Variants in GMPPA observed in about 807,000 individuals in gnomAD.
GMPPA encodes the protein GDP-mannose pyrophosphorylase A, also known as mannose-1-phosphate guanylyltransferase regulatory subunit alpha.
Under a neutral mutation model 58.6 loss-of-function variants are expected in GMPPA, and 46 were observed. That is an observed-to-expected ratio of 0.78 (90% CI 0.62 to 1.00). The LOEUF (loss-of-function observed/expected upper bound fraction) is 1.00, where lower values mean the gene tolerates loss of function less well. GMPPA is among the 50% of genes least tolerant of loss of function. The probability of loss-of-function intolerance (pLI) is 0.00; values close to 1 mark genes in which losing one functional copy is unlikely to be tolerated. For missense variants in GMPPA, 468 were observed against 556.4 expected, an observed-to-expected ratio of 0.84 and a Z score of 1.60; for synonymous variants, 211 against 214.9, an observed-to-expected ratio of 0.98 and a Z score of 0.16.
In GMPPA at chr2:219,506,770, G is replaced by A. The variant is rs779645480; in HGVS notation, c.1235G>A (p.Arg412Gln). The change falls in exon 13 of 13, where the codon CGA becomes CAA. Residue 412 changes from arginine (R) to glutamine (Q), a missense_variant. Transcript: ENST00000313597. ...GTTCTGCCACACAAGGAGCTGAGCC[G>A]AAGCTTCACCAACCAGATCATCCTC... ...SIVLPHKELS[R>Q]SFTNQIIL 4.4e-6 allele frequency: 7 copies of A among 1,586,020 alleles called. No homozygotes were observed. Among genetic ancestry groups the A allele is most frequent in the East Asian group, 2.2e-5 (1 of 44,680 alleles).
At position 219,502,405 on chromosome 2, in the gene GMPPA, C is replaced by T. The variant is rs1454936838; in HGVS notation, c.453C>T (p.Asn151=). The T allele has an allele frequency of 6.2e-6, 10 of 1,614,036 alleles. No homozygotes were observed. Among genetic ancestry groups the T allele is most frequent in the Non-Finnish European group, 8.5e-6 (10 of 1,179,940 alleles). The part of the protein sequence containing the change: ...GTTANRTQSL[N]YGCIVENPQT... The stretch of plus-strand genomic sequence containing the variant: ...AGGCTAACAGGACGCAATCCCTCAA[C>T]TACGGCTGCATCGTTGAGAATCCAC... The change falls in exon 6 of 13, where the codon AAC becomes AAT. Residue 151 remains asparagine, a synonymous_variant. Coordinates refer to ENST00000313597, the MANE Select transcript of GMPPA (RefSeq NM_013335.4). This position sits in a 1 kb window ranked among gnomAD's most constrained non-coding sequence, Gnocchi z 4.0.
intron 9 of GMPPA, 37 bp downstream of exon 9, chr2:219,505,592 C>CACCCCA: frequency 6.4e-7 from 1 of 1,567,004 alleles, no homozygotes; most frequent in Non-Finnish European, 8.7e-7. Flanking sequence ...CTTTGGCTTC[C>CACCCCA]ACCCCAGCCC....
chr2:219,505,002 C>A, intron 7 of GMPPA: 1 of 879,610 alleles, frequency 1.1e-6, no homozygotes, highest in Non-Finnish European at 1.6e-6. Context: ...GGAAGCAGGC[C>A]TCTGCCTGGG....
chr2:219,506,860 C>T lies in GMPPA; in HGVS notation c.*62C>T. The T allele has an allele frequency of 1.2e-6, 1 of 815,152 alleles. No individual in the cohort carries two copies. The highest frequency in any genetic ancestry group is 2.2e-6 in the Non-Finnish European group (1 of 463,784). 50.5% of individuals were successfully genotyped at this position (815,152 alleles called of 1,614,324 possible). On this transcript the variant is annotated 3_prime_UTR_variant, in exon 13 of 13. Coordinates refer to ENST00000313597, the MANE Select transcript of GMPPA (RefSeq NM_013335.4). ...CCCCTTGAGGCTGCTGCCTGCTTGG[C>T]CAGCCTCTGTCCAGAAAGGACCAGA...
rs1575223673 is a variant in GMPPA, at chr2:219,503,245, G to T, written c.489+804G>T. On this transcript the variant is annotated intron_variant, in intron 6 of 12. Coordinates refer to ENST00000313597, the MANE Select transcript of GMPPA (RefSeq NM_013335.4). ...CCTCCTGGGTTCATGCCGTTCTCCT[G>T]CCTCAGCCTCCTGAGTAGCTGGGAT... Among the ~76,000 whole-genome samples the T allele has an allele frequency of 2.0e-5, 3 of 151,902 alleles. 1 individual carries two copies. Among genetic ancestry groups the T allele is most frequent in the Admixed American group, 2.0e-4 (3 of 15,240 alleles).
intron 6 of GMPPA, among the ~76,000 whole-genome samples, chr2:219,503,234 G>A (rs575328005): frequency 3.3e-5 from 5 of 151,762 alleles, no homozygotes; most frequent in Non-Finnish European, 7.4e-5. Flanking sequence ...CTGGGTTCAT[G>A]CCGTTCTCCT....
rs750790061 is a variant in GMPPA at position 219,505,530 on chromosome 2, C to T, written c.828C>T (p.His276=). ...CTCACCCAGAACGGCTGGCCAAGCACACCCCAGGGGGCCCATGGATCCGAG... is the reference window on the plus strand; with the variant it reads ...CTCACCCAGAACGGCTGGCCAAGCATACCCCAGGGGGCCCATGGATCCGAG... ...QDTHPERLAK[H]TPGGPWIRGN... The change falls in exon 9 of 13, where the codon CAC becomes CAT. Residue 276 remains histidine, a synonymous_variant. Coordinates refer to ENST00000313597, the MANE Select transcript of GMPPA (RefSeq NM_013335.4). 10 of 1,569,626 alleles carry T rather than the reference C, an allele frequency of 6.4e-6. No individual in the cohort carries two copies. Among genetic ancestry groups the T allele is most frequent in the Non-Finnish European group, 6.0e-6 (7 of 1,157,372 alleles).
Position 219,502,305 on chromosome 2 carries a change from G to A in GMPPA, c.430-77G>A, listed in dbSNP as rs1045823701. On this transcript the variant is annotated intron_variant, in intron 5 of 12. Transcript: ENST00000313597. The surrounding 1 kb of genome is among the most constrained non-coding windows in gnomAD (Gnocchi z 4.0). ...AGAGCTGCATGCCAGGTGCTGTAGC[G>A]GAGGGAAAGAAAGAAAAAACAGACG... is the stretch of plus-strand genomic sequence containing the variant. 30 of 1,293,444 alleles carry A rather than the reference G, an allele frequency of 2.3e-5. No homozygotes were observed. The highest frequency in any genetic ancestry group is 5.8e-5 in the African/African-American group (4 of 68,850). 80.1% of individuals were successfully genotyped at this position (1,293,444 alleles called of 1,614,324 possible).
At chr2:219,501,804 C>A in intron 4 of GMPPA, 47 bp from the exon 5 acceptor site, 2 of 1,567,430 alleles carry the variant, frequency 1.3e-6, no homozygotes, top group Non-Finnish European at 1.8e-6. Context: ...CTCATGGTAT[C>A]TGTTTCCTAA....
intron 12 of GMPPA, 64 bp from the exon 13 acceptor site, chr2:219,506,634 C>CA: frequency 9.4e-7 from 1 of 1,059,222 alleles, no homozygotes; most frequent in Non-Finnish European, 1.4e-6. Flanking sequence ...TGGCAGTGGC[C>CA]CCCAGCTCCC....
intron 10 of GMPPA, 98 bp from the exon 11 acceptor site, chr2:219,505,882 C>T (rs1694569546): frequency 6.2e-6 from 7 of 1,135,918 alleles, no homozygotes; most frequent in South Asian, 2.9e-5. Context: ...TGTGTGTCCT[C>T]GAGCAGGTCA....
intron 3 of GMPPA, chr2:219,500,527 G>T: frequency 4.9e-6 from 2 of 407,846 alleles, no homozygotes; most frequent in South Asian, 3.2e-5. Flanking sequence ...TGATAACCAA[G>T]CACAAATTCA....
Position 219,505,509 on chromosome 2 carries a change from C to G in GMPPA, c.807C>G (p.His269Gln), listed in dbSNP as rs375575519. ...ACCTGAGCCGATACCAGGACACTCA[C>G]CCAGAACGGCTGGCCAAGCACACCC... ...RLYLSRYQDT[H>Q]PERLAKHTPG... is the part of the protein sequence containing the mutation. Residue 269 changes from histidine to glutamine, a missense_variant, in exon 9 of 13, where the codon CAC becomes CAG. By Grantham distance (24) the His-to-Gln change is conservative. Transcript: ENST00000313597. 487 of 1,577,000 alleles carry G rather than the reference C, an allele frequency of 3.1e-4. 1 individual carries two copies. The highest frequency in any genetic ancestry group is 3.9e-4 in the Non-Finnish European group (452 of 1,161,150).
intron 7 of GMPPA, 154 bp from the exon 8 acceptor site, chr2:219,505,074 G>A (rs1575226021): frequency 2.2e-6 from 2 of 919,698 alleles, no homozygotes; most frequent in South Asian, 1.8e-5. Flanking sequence ...TGGGATGTGA[G>A]CAGCCACATC....
chr2:219,504,093 A>C lies in GMPPA; in HGVS notation c.500A>C (p.Tyr167Ser). 3 of 1,614,150 alleles carry C rather than the reference A, an allele frequency of 1.9e-6. No homozygotes were observed. Among genetic ancestry groups the C allele is most frequent in the Non-Finnish European group, 2.5e-6 (3 of 1,179,994 alleles). ...ENPQTHEVLH[Y>S]VEKPSTFISD... Reference sequence around the variant, plus strand: ...CTGCTCTGTCCTCAGGTATTGCACTATGTGGAGAAACCCAGCACATTTATC... The same window carrying C: ...CTGCTCTGTCCTCAGGTATTGCACTCTGTGGAGAAACCCAGCACATTTATC... Residue 167 changes from tyrosine (Y) to serine (S), a missense_variant, in exon 7 of 13, where the codon TAT (tyrosine) becomes TCT (serine). By Grantham distance (144) the Tyr-to-Ser change is moderately radical. Transcript: ENST00000313597.
rs1272162794 is a variant in GMPPA, at chr2:219,502,605, C to G, written c.489+164C>G. Among the ~76,000 whole-genome samples the G allele has an allele frequency of 6.7e-6, 1 of 148,202 alleles. No homozygotes were observed. Among genetic ancestry groups the G allele is most frequent in the Non-Finnish European group, 1.5e-5 (1 of 67,100 alleles). On this transcript the variant is annotated intron_variant, in intron 6 of 12. Transcript: ENST00000313597. The surrounding 1 kb of genome is among the most constrained non-coding windows in gnomAD (Gnocchi z 4.0). The stretch of plus-strand genomic sequence containing the variant: ...TTATATCCCTTTAAGAGAGATTGAC[C>G]AGGGGGAGGGGGGGAATGGTTAATT...
rs755925836 is a variant in GMPPA at position 219,505,960 on chromosome 2, G to T, written c.901-20G>T. The T allele has an allele frequency of 6.6e-7, 1 of 1,514,280 alleles. No homozygotes were observed. The highest frequency in any genetic ancestry group is 1.2e-5 in the South Asian group (1 of 82,876). 93.8% of individuals were successfully genotyped at this position (1,514,280 alleles called of 1,614,324 possible). The stretch of plus-strand genomic sequence containing the variant: ...CCTCCAAGTCCCTCCAGGGCTTATG[G>T]TGTGTGCTTCTCTCCACAGCTGGGC... On this transcript the variant is annotated intron_variant, in intron 10 of 12. Coordinates refer to ENST00000313597, the MANE Select transcript of GMPPA (RefSeq NM_013335.4).
rs762254890 is a variant in GMPPA, at chr2:219,504,070, G to A, written c.490-13G>A. 6.2e-7 allele frequency: 1 copy of A among 1,613,966 alleles called. No individual in the cohort carries two copies. The highest frequency in any genetic ancestry group is 1.7e-5 in the Admixed American group (1 of 60,002). ...TCCCTTCTTCTACTGAACCCAGCCT[G>A]CTCTGTCCTCAGGTATTGCACTATG... On this transcript the variant is annotated splice_polypyrimidine_tract_variant and intron_variant, in intron 6 of 12. Transcript: ENST00000313597.
intron 6 of GMPPA, among the ~76,000 whole-genome samples, chr2:219,503,485 C>T (rs749717119): frequency 2.0e-5 from 3 of 152,134 alleles, no homozygotes; most frequent in African/African-American, 2.4e-5. Context: ...TAAACACGCA[C>T]ACACACATGC....
Sources: allele counts gnomAD v4.1 joint callset (sites outside exome capture counted in the v4.1 genomes callset), GRCh38; gene constraint gnomAD v4.1.1; non-coding constraint Gnocchi (gnomAD v3.1); transcripts MANE v1.5; gene names NCBI Gene and HGNC (gene_info 2026-07-23, HGNC 2026-07-21).